Variants in LINGO2 observed in about 807,000 individuals in gnomAD.
LINGO2 encodes leucine-rich repeat and immunoglobulin-like domain-containing nogo receptor-interacting protein 2.
In LINGO2, 14 loss-of-function variants were observed where a neutral mutation model predicts 30.6. The ratio of observed to expected loss-of-function variants is 0.46; its 90% confidence interval spans 0.30 to 0.72. LINGO2 has a LOEUF of 0.72. LINGO2 is among the 30% of genes least tolerant of loss of function. LINGO2 has a pLI of 0.07. For missense variants in LINGO2, 729 were observed against 751.7 expected (o/e 0.97, Z 0.35); for synonymous variants, 317 against 288.5 (o/e 1.10, Z -1.00).
At chr9:28,848,440 T>C in the LINGO2 span, among the ~76,000 whole-genome samples, 2 of 132,524 alleles carry the variant, frequency 1.5e-5, no homozygotes, top group African/African-American at 5.5e-5. Context: ...CTGTATATAG[T>C]ATATATACCA....
the LINGO2 span, among the ~76,000 whole-genome samples, chr9:29,070,591 C>G: frequency 6.6e-6 from 1 of 152,040 alleles, no homozygotes; most frequent in African/African-American, 2.4e-5. Flanking sequence ...TACAGACCCC[C>G]AGGTGGAAAT....
intron 2 of LINGO2, among the ~76,000 whole-genome samples, chr9:28,377,018 T>A (rs371876271): frequency 6.9e-5 from 10 of 145,692 alleles, no homozygotes; most frequent in African/African-American, 2.7e-4. Flanking sequence ...TGTATTTAGA[T>A]CTCTTGAAAT....
At chr9:28,154,223 CCTG>C (rs1482174617) in intron 4 of LINGO2, among the ~76,000 whole-genome samples, 3 of 152,078 alleles carry the variant, frequency 2.0e-5, no homozygotes, top group Non-Finnish European at 2.9e-5. Context: ...AATTGTATAG[CCTG>C]CTATTTATTA....
chr9:28,332,470 G>A (rs1178172626), intron 3 of LINGO2, among the ~76,000 whole-genome samples: 1 of 152,036 alleles, frequency 6.6e-6, no homozygotes, highest in African/African-American at 2.4e-5. Context: ...TCTTAATAGA[G>A]GCACACATAT....
At chr9:28,494,958 C>T (rs1819544278) in intron 1 of LINGO2, among the ~76,000 whole-genome samples, 1 of 152,214 alleles carries the variant, frequency 6.6e-6, no homozygotes, top group Non-Finnish European at 1.5e-5. Flanking sequence ...TTGCATTTCT[C>T]TGATGGCCAG....
chr9:28,379,583 G>T (rs1404465855), intron 2 of LINGO2, among the ~76,000 whole-genome samples: 2 of 152,146 alleles, frequency 1.3e-5, no homozygotes, highest in Non-Finnish European at 2.9e-5. Flanking sequence ...GTTTAGGCAA[G>T]AGTGCAGAGC....
intron 1 of LINGO2, among the ~76,000 whole-genome samples, chr9:28,498,879 T>C (rs754059968): frequency 6.6e-6 from 1 of 152,008 alleles, no homozygotes; most frequent in Non-Finnish European, 1.5e-5. Context: ...TATAAGACTA[T>C]ATAATAAAAA....
At chr9:29,139,118 T>C in the LINGO2 span, among the ~76,000 whole-genome samples, 2 of 152,296 alleles carry the variant, frequency 1.3e-5, no homozygotes, top group African/African-American at 4.8e-5. Context: ...AAACTGAGCG[T>C]AGCCTCCAGC....
At chr9:28,026,816 T>C (rs1040413911) in intron 4 of LINGO2, among the ~76,000 whole-genome samples, 2 of 152,218 alleles carry the variant, frequency 1.3e-5, no homozygotes, top group Admixed American at 6.5e-5. Context: ...GAACTATTTA[T>C]TTTTTATTGC....
chr9:28,873,814 T>C, the LINGO2 span, among the ~76,000 whole-genome samples: 1 of 152,102 alleles, frequency 6.6e-6, no homozygotes, highest in East Asian at 1.9e-4. Context: ...CTAGAACACA[T>C]GAGCTCTCTG....
At chr9:28,069,513 G>T (rs548106228) in intron 4 of LINGO2, among the ~76,000 whole-genome samples, 1 of 152,250 alleles carries the variant, frequency 6.6e-6, no homozygotes, top group South Asian at 2.1e-4. Context: ...TCTGTTTTCT[G>T]ATAATTTAAG....
At chr9:29,204,623 T>C in the LINGO2 span, among the ~76,000 whole-genome samples, 3 of 152,210 alleles carry the variant, frequency 2.0e-5, no homozygotes, top group Admixed American at 2.0e-4. Flanking sequence ...ATGATGGTAT[T>C]TAAAGAACTA....
chr9:28,858,804 T>G, the LINGO2 span, among the ~76,000 whole-genome samples: 3 of 152,102 alleles, frequency 2.0e-5, no homozygotes, highest in Non-Finnish European at 2.9e-5. Context: ...ATAATGCATT[T>G]TAAAAAAGAA....
chr9:28,411,760 C>T (rs1343256363), intron 2 of LINGO2, among the ~76,000 whole-genome samples: 1 of 151,968 alleles, frequency 6.6e-6, no homozygotes, highest in Non-Finnish European at 1.5e-5. Context: ...GATCTTGCTT[C>T]TCATTATTTT....
chr9:28,556,686 C>G (rs1822719933), intron 1 of LINGO2, among the ~76,000 whole-genome samples: 1 of 151,916 alleles, frequency 6.6e-6, no homozygotes, highest in Admixed American at 6.6e-5. Context: ...CCCGCATCTC[C>G]AAGTCAATCC....
chr9:28,634,910 C>T (rs755023328), intron 1 of LINGO2, among the ~76,000 whole-genome samples: 1 of 152,132 alleles, frequency 6.6e-6, no homozygotes, highest in Non-Finnish European at 1.5e-5. Flanking sequence ...AAAAGGTTTA[C>T]GATGTGTGCT....
chr9:28,747,346 C>A, the LINGO2 span, among the ~76,000 whole-genome samples: 2 of 152,148 alleles, frequency 1.3e-5, no homozygotes, highest in African/African-American at 4.8e-5. Flanking sequence ...CCTCATCCAT[C>A]CAGCTGAAAG....
At chr9:28,319,077 T>A (rs1448944387) in intron 3 of LINGO2, among the ~76,000 whole-genome samples, 1 of 152,202 alleles carries the variant, frequency 6.6e-6, no homozygotes, top group Non-Finnish European at 1.5e-5. Flanking sequence ...GTATTGCATT[T>A]ATTAGAAATA....
chr9:28,059,990 T>C (rs1825092924), intron 4 of LINGO2, among the ~76,000 whole-genome samples: 1 of 152,096 alleles, frequency 6.6e-6, no homozygotes, highest in Non-Finnish European at 1.5e-5. Context: ...AAAGATTCAC[T>C]GATCCTTAGT....
Sources: allele counts gnomAD v4.1 joint callset (sites outside exome capture counted in the v4.1 genomes callset), GRCh38; gene constraint gnomAD v4.1.1; transcripts MANE v1.5; gene names NCBI Gene and HGNC (gene_info 2026-07-23, HGNC 2026-07-21).